TRAM1: variants seen among roughly 807,000 people sequenced by gnomAD.
TRAM1 encodes translocating chain-associated membrane protein 1.
Under a neutral mutation model 48.7 loss-of-function variants are expected in TRAM1, and 17 were observed. That is an observed-to-expected ratio of 0.35 (90% CI 0.24 to 0.52). TRAM1 has a LOEUF of 0.52. Ranked by LOEUF, TRAM1 falls within the 20% of genes least tolerant of loss-of-function variation. The pLI is 0.94. For missense variants in TRAM1, 351 were observed against 441.5 expected (o/e 0.79, Z 1.84); for synonymous variants, 182 against 154.0 (o/e 1.18, Z -1.34).
In TRAM1 at chr8:70,608,072, C is replaced by G; in HGVS notation, c.123+5G>C. On this transcript the variant is annotated splice_donor_5th_base_variant and intron_variant, in intron 1 of 10. Coordinates refer to ENST00000262213, the MANE Select transcript of TRAM1 (RefSeq NM_014294.6). Reference sequence around the variant, plus strand: ...GCAGGCGGTTGGGACTCGGGGCGGGCTCACCTCAAACATGAGCCCCAGCAG... The same window carrying G: ...GCAGGCGGTTGGGACTCGGGGCGGGGTCACCTCAAACATGAGCCCCAGCAG... 6.3e-7 allele frequency: 1 copy of G among 1,590,684 alleles called. No homozygotes were observed. The highest frequency in any genetic ancestry group is 8.5e-7 in the Non-Finnish European group (1 of 1,170,308).
At chr8:70,604,332 A>T (rs1010325484) in intron 1 of TRAM1, among the ~76,000 whole-genome samples, 15 of 152,358 alleles carry the variant, frequency 9.8e-5, no homozygotes, top group Middle Eastern at 3.4e-3. Context: ...TTAGAGGAAG[A>T]TGTGACCAGT....
intron 4 of TRAM1, 22 bp downstream of exon 4, chr8:70,597,873 C>T (rs780284594): frequency 1.3e-6 from 2 of 1,517,314 alleles, no homozygotes; most frequent in East Asian, 2.3e-5. Context: ...AGGAGAACAA[C>T]AACCTAAGAG....
chr8:70,583,911 G>A (rs1817141815), intron 8 of TRAM1, 118 bp from the exon 9 acceptor site: 2 of 1,179,018 alleles, frequency 1.7e-6, no homozygotes, highest in Non-Finnish European at 1.1e-6. Context: ...TACTTGGGAG[G>A]CTGAGGCAGG....
At chr8:70,588,230 C>G (rs755262119) in intron 6 of TRAM1, among the ~76,000 whole-genome samples, 1 of 151,968 alleles carries the variant, frequency 6.6e-6, no homozygotes, top group Non-Finnish European at 1.5e-5. Flanking sequence ...AAAAAAAGAC[C>G]TACTAGTGGA....
intron 1 of TRAM1, among the ~76,000 whole-genome samples, chr8:70,605,205 C>T (rs1472824019): frequency 1.3e-5 from 2 of 152,046 alleles, no homozygotes; most frequent in Non-Finnish European, 2.9e-5. Context: ...TAATAGCTAC[C>T]ACTTATTGCA....
At chr8:70,600,210 C>G (rs1399030981) in intron 1 of TRAM1, 128 bp from the exon 2 acceptor site, 1 of 664,872 alleles carries the variant, frequency 1.5e-6, no homozygotes, top group Non-Finnish European at 2.6e-6. Context: ...CCTGTGGAAT[C>G]CTGACAGACA....
chr8:70,607,994 C>A, intron 1 of TRAM1, 83 bp downstream of exon 1: 5 of 1,441,940 alleles, frequency 3.5e-6, no homozygotes, highest in Admixed American at 2.7e-5. Flanking sequence ...GCGTCCTGGG[C>A]GGAGAAGCCG....
At chr8:70,599,634 C>CA (rs1421987662) in intron 2 of TRAM1, among the ~76,000 whole-genome samples, 1 of 152,062 alleles carries the variant, frequency 6.6e-6, no homozygotes, top group Admixed American at 6.6e-5. Flanking sequence ...ATTACAGGTC[C>CA]AAAATGTAAC....
At chr8:70,596,241 A>G (rs765570707) in intron 5 of TRAM1, 22 bp downstream of exon 5, 2 of 1,556,890 alleles carry the variant, frequency 1.3e-6, no homozygotes, top group Non-Finnish European at 1.7e-6. Context: ...TAACAAAGAA[A>G]GGGCTGCTAA....
rs528437523 is a variant in TRAM1, at chr8:70,608,298, G to A, written c.-99C>T. Reference sequence around the variant, plus strand: ...CCGCCTCCCGCTGGCTGCTCCTCACGGCCCCGCTGCAGCCGCTCGCTGGGG... The same window carrying A: ...CCGCCTCCCGCTGGCTGCTCCTCACAGCCCCGCTGCAGCCGCTCGCTGGGG... On this transcript the variant is annotated 5_prime_UTR_variant, in exon 1 of 11. Transcript: ENST00000262213. The A allele has an allele frequency of 4.2e-6, 6 of 1,439,116 alleles. No homozygotes were observed. The Admixed American group carries it at 1.0e-4, about 24-fold the overall frequency. 89.1% of individuals were successfully genotyped at this position (1,439,116 alleles called of 1,614,324 possible).
At chr8:70,590,738 A>T (rs1465665723) in intron 6 of TRAM1, among the ~76,000 whole-genome samples, 3 of 152,240 alleles carry the variant, frequency 2.0e-5, no homozygotes. Flanking sequence ...CTATCTTCAC[A>T]ACCATCAAAT....
intron 4 of TRAM1, among the ~76,000 whole-genome samples, chr8:70,596,819 TA>T (rs34126420): frequency 0.14 from 16,995 of 122,348 alleles, 1,092 homozygotes; most frequent in African/African-American, 0.21. Flanking sequence ...ACTGCATATG[TA>T]AAAAAAAAAA....
intron 10 of TRAM1, 109 bp from the exon 11 acceptor site, chr8:70,575,114 C>A: frequency 1.3e-6 from 1 of 773,782 alleles, no homozygotes. Flanking sequence ...CCAATTCACT[C>A]AGGTGAAATT....
chr8:70,576,082 A>C (rs1193128218), intron 10 of TRAM1, among the ~76,000 whole-genome samples: 1 of 146,006 alleles, frequency 6.8e-6, no homozygotes. Flanking sequence ...AAAAAAAAGA[A>C]AAAAAAAAAA....
Position 70,597,894 on chromosome 8 carries a change from C to T in TRAM1, c.426+1G>A, listed in dbSNP as rs1198105543. 1 of 1,588,950 alleles carries T rather than the reference C, an allele frequency of 6.3e-7. No homozygotes were observed. Reference sequence around the variant, plus strand: ...ACAACAACCTAAGAGGACATACTTACAGAGATGAGAATGAATGTGCCCCAA... The same window carrying T: ...ACAACAACCTAAGAGGACATACTTATAGAGATGAGAATGAATGTGCCCCAA... On this transcript the variant is annotated splice_donor_variant, in intron 4 of 10. Coordinates refer to ENST00000262213, the MANE Select transcript of TRAM1 (RefSeq NM_014294.6). LOFTEE classifies it high-confidence loss of function.
chr8:70,597,985 G>A lies in TRAM1; in HGVS notation c.336C>T (p.Ser112=), dbSNP rs1306258884. 1 of 1,596,366 alleles carries A rather than the reference G, an allele frequency of 6.3e-7. No homozygotes were observed. The highest frequency in any genetic ancestry group is 1.3e-5 in the African/African-American group (1 of 74,614). ...LDKINRRMHF[S]KTKHSKFNES... is the part of the protein sequence containing the mutation. ...CATTAAACTTGCTGTGTTTTGTTTT[G>A]GAGAAGTGCATTCGCCTGTTAATTT... is the stretch of plus-strand genomic sequence containing the variant. Residue 112 remains serine (S), a synonymous_variant, in exon 4 of 11, where the codon TCC becomes TCT. Transcript: ENST00000262213.
rs187274981 is a variant in TRAM1, at chr8:70,588,176, C to A, written c.571-1000G>T. ...AGGTTACAGTAAGCTATGATCATGC[C>A]ACTGTACTCCAGCTTGGGTGACAGA... is the stretch of plus-strand genomic sequence containing the variant. On this transcript the variant is annotated intron_variant, in intron 6 of 10. Transcript: ENST00000262213. Among the ~76,000 whole-genome samples, 422 of 152,198 alleles carry A rather than the reference C, an allele frequency of 2.8e-3. 1 individual carries two copies. Among genetic ancestry groups the A allele is most frequent in the Non-Finnish European group, 4.4e-3 (301 of 68,014 alleles).
At chr8:70,575,621 T>G (rs1816930811) in intron 10 of TRAM1, among the ~76,000 whole-genome samples, 1 of 151,838 alleles carries the variant, frequency 6.6e-6, no homozygotes, top group African/African-American at 2.4e-5. Context: ...TATGATGGAG[T>G]AGCGTATGTG....
intron 6 of TRAM1, chr8:70,587,411 C>G: frequency 2.2e-6 from 1 of 455,858 alleles, no homozygotes. Context: ...GAAAGCTATT[C>G]TGCTCCCACC....
Sources: allele counts gnomAD v4.1 joint callset (sites outside exome capture counted in the v4.1 genomes callset), GRCh38; gene constraint gnomAD v4.1.1; transcripts MANE v1.5; gene names NCBI Gene and HGNC (gene_info 2026-07-23, HGNC 2026-07-21).